Variants in OPRM1 observed in about 807,000 individuals in gnomAD.
OPRM1 encodes opioid receptor mu 1, also known as mu-type opioid receptor.
In OPRM1, 27 loss-of-function variants were observed where a neutral mutation model predicts 31.8. The ratio of observed to expected loss-of-function variants is 0.85; its 90% CI spans 0.63 to 1.17. The LOEUF (loss-of-function observed/expected upper bound fraction) is 1.17, where lower values mean the gene tolerates loss of function less well. OPRM1 is among the 50% of genes most tolerant of loss of function. OPRM1 has a pLI of 0.00. For synonymous variants in OPRM1, 196 were observed against 189.9 expected (o/e 1.03, Z -0.26); for missense variants, 536 against 511.1 (o/e 1.05, Z -0.47).
intron 3 of OPRM1, chr6:154,155,887 T>C (rs917283242): frequency 6.6e-6 from 1 of 152,250 alleles, no homozygotes; most frequent in Non-Finnish European, 1.5e-5. Flanking sequence ...AAAAATATTT[T>C]TTCTTTGAAT....
chr6:154,222,803 C>T (rs556427491), intron 3 of OPRM1, among the ~76,000 whole-genome samples: 1 of 152,292 alleles, frequency 6.6e-6, no homozygotes, highest in African/African-American at 2.4e-5. Flanking sequence ...GTCTTGCTGG[C>T]GTATCTGCAA....
intron 3 of OPRM1, chr6:154,167,930 C>A: frequency 6.3e-7 from 1 of 1,592,286 alleles, no homozygotes; most frequent in Non-Finnish European, 8.6e-7. Flanking sequence ...CTTTAATGTG[C>A]TATTCAATGT....
chr6:154,036,775 TA>T (rs1779323967), upstream of OPRM1, among the ~76,000 whole-genome samples: 1 of 151,998 alleles, frequency 6.6e-6, no homozygotes, highest in Non-Finnish European at 1.5e-5. Flanking sequence ...GCATATATTT[TA>T]TGCCATTATC....
intron 3 of OPRM1, among the ~76,000 whole-genome samples, chr6:154,171,453 C>T (rs941646383): frequency 8.6e-5 from 13 of 151,636 alleles, no homozygotes; most frequent in Non-Finnish European, 1.9e-4. Context: ...TAATAATTGC[C>T]TGGGGTCTGG....
intron 1 of OPRM1, among the ~76,000 whole-genome samples, chr6:154,075,770 C>A (rs1441462042): frequency 1.3e-5 from 2 of 152,162 alleles, no homozygotes; most frequent in African/African-American, 4.8e-5. Context: ...CTCAACCCCA[C>A]CTCTGAGAGA....
At position 154,028,753 on chromosome 6, in the gene OPRM1, A is replaced by G. The variant is rs144405120; in HGVS notation, c.1-10408A>G. On this transcript the variant is annotated intron_variant, in intron 1 of 5. Coordinates refer to the OPRM1 transcript ENST00000434900. Reference sequence around the variant, plus strand: ...TTATAATAGGACAGCACTGAGTTCAATGTGTCACAAATGCTGCAATCTCCC... The same window carrying G: ...TTATAATAGGACAGCACTGAGTTCAGTGTGTCACAAATGCTGCAATCTCCC... Among the ~76,000 whole-genome samples the G allele has an allele frequency of 8.0e-4, 122 of 152,254 alleles. No homozygotes were observed. The East Asian group carries it at 0.014, about 18-fold the overall frequency.
chr6:154,032,081 A>C (rs1467230213), intron 1 of OPRM1, among the ~76,000 whole-genome samples: 1 of 152,244 alleles, frequency 6.6e-6, no homozygotes, highest in African/African-American at 2.4e-5. Flanking sequence ...ATCAGTTAAG[A>C]GCTCACTGTA....
chr6:154,206,163 T>G (rs1583795149), intron 3 of OPRM1, among the ~76,000 whole-genome samples: 1 of 152,196 alleles, frequency 6.6e-6, no homozygotes, highest in Non-Finnish European at 1.5e-5. Flanking sequence ...GGGCAAGTGA[T>G]ATCCCATAAA....
intron 2 of OPRM1, 77 bp downstream of exon 2, chr6:154,090,255 T>G: frequency 1.1e-6 from 1 of 917,404 alleles, no homozygotes; most frequent in Admixed American, 2.0e-5. Context: ...AAAGCAGTAT[T>G]TATGGAGTGC....
rs2128526564 is a variant in OPRM1, at chr6:154,121,027, C to T, written c.*2306C>T. Among the ~76,000 whole-genome samples, 1 of 152,248 alleles carries T rather than the reference C, an allele frequency of 6.6e-6. No individual in the cohort carries two copies. The highest frequency in any genetic ancestry group is 2.1e-4 in the South Asian group (1 of 4,820). ...TTTAACGTAAATTTGCTAGAACCAC[C>T]TTCCAATTCCAAGGCAAGGAGAGAC... On this transcript the variant is annotated 3_prime_UTR_variant, in exon 4 of 4. Coordinates refer to ENST00000330432, the MANE Select transcript of OPRM1 (RefSeq NM_000914.5).
chr6:154,192,554 A>G (rs1394795334), intron 3 of OPRM1, among the ~76,000 whole-genome samples: 1 of 152,160 alleles, frequency 6.6e-6, no homozygotes, highest in Non-Finnish European at 1.5e-5. Flanking sequence ...CAAAAGAAAC[A>G]ATCAGCAGAG....
intron 1 of OPRM1, among the ~76,000 whole-genome samples, chr6:154,031,724 GAGTGAGACT>G (rs1779018593): frequency 6.6e-6 from 1 of 152,156 alleles, no homozygotes; most frequent in Non-Finnish European, 1.5e-5. Context: ...CTGGGTGACA[GAGTGAGACT>G]CCGTCTCGGA....
chr6:154,183,975 C>T (rs1249698316), intron 3 of OPRM1, among the ~76,000 whole-genome samples: 1 of 152,094 alleles, frequency 6.6e-6, no homozygotes, highest in African/African-American at 2.4e-5. Flanking sequence ...GTGGTCAGAA[C>T]ATTTAAGCAA....
chr6:154,174,432 C>T (rs548646066), intron 3 of OPRM1, among the ~76,000 whole-genome samples: 23 of 152,042 alleles, frequency 1.5e-4, no homozygotes, highest in Non-Finnish European at 2.8e-4. Flanking sequence ...ACCCATCTCA[C>T]GTGCAGAGAC....
At chr6:154,146,917 A>G (rs1285222793) in intron 3 of OPRM1, among the ~76,000 whole-genome samples, 3 of 152,278 alleles carry the variant, frequency 2.0e-5, no homozygotes, top group East Asian at 1.9e-4. Context: ...GTGGGAAGTA[A>G]GCTAATTAAC....
intron 3 of OPRM1, among the ~76,000 whole-genome samples, chr6:154,195,861 G>A (rs1479948221): frequency 2.0e-5 from 3 of 149,922 alleles, no homozygotes; most frequent in Non-Finnish European, 3.0e-5. Context: ...GTGCAATCTC[G>A]GCTCACTGCA....
chr6:154,191,854 ACT>A (rs1250195716), intron 3 of OPRM1, among the ~76,000 whole-genome samples: 1 of 152,150 alleles, frequency 6.6e-6, no homozygotes, highest in African/African-American at 2.4e-5. Context: ...GTATATGTAA[ACT>A]CTGTACTGTC....
intron 3 of OPRM1, among the ~76,000 whole-genome samples, chr6:154,112,493 T>C (rs997003835): frequency 1.3e-5 from 2 of 152,194 alleles, no homozygotes; most frequent in Non-Finnish European, 2.9e-5. Flanking sequence ...TTCAGAGATA[T>C]GGGTTCAGTG....
chr6:154,047,678 A>G (rs1029106035), intron 1 of OPRM1, among the ~76,000 whole-genome samples: 3 of 152,146 alleles, frequency 2.0e-5, no homozygotes, highest in Admixed American at 6.5e-5. Flanking sequence ...TGTTCTGGAT[A>G]TGTGTCTGTC....
Sources: gnomAD v4.1 joint callset for allele counts (sites outside exome capture counted in the v4.1 genomes callset) on GRCh38, gnomAD v4.1.1 for gene constraint, MANE v1.5 for transcripts, NCBI Gene and HGNC (gene_info 2026-07-23, HGNC 2026-07-21) for gene names.